AGBL1: variants seen among roughly 807,000 people sequenced by gnomAD.
AGBL1 encodes AGBL carboxypeptidase 1, also known as cytosolic carboxypeptidase 4.
A neutral mutation model predicts 118.9 loss-of-function variants in AGBL1; 130 were observed. That is an observed-to-expected ratio of 1.09 (90% confidence interval 0.95 to 1.26). The LOEUF (loss-of-function observed/expected upper bound fraction) is 1.26, where lower values mean the gene tolerates loss of function less well. AGBL1 is among the 50% of genes most tolerant of loss of function. AGBL1 has a pLI of 0.00. For missense variants in AGBL1, 1,584 were observed against 1,298.1 expected, an observed-to-expected ratio of 1.22 and a Z score of -3.38; for synonymous variants, 555 against 478.9, an observed-to-expected ratio of 1.16 and a Z score of -2.08.
chr15:86,206,501 C>T (rs1282415320), intron 5 of AGBL1, among the ~76,000 whole-genome samples: 1 of 152,206 alleles, frequency 6.6e-6, no homozygotes, highest in Non-Finnish European at 1.5e-5. Context: ...TTAATGATCA[C>T]CATTCTAACT....
chr15:86,370,301 C>CTTTTTTTTTTTTTTTTTT (rs5814238), intron 17 of AGBL1, among the ~76,000 whole-genome samples: 1 of 131,032 alleles, frequency 7.6e-6, no homozygotes, highest in Non-Finnish European at 1.6e-5. Flanking sequence ...GTCTCTATTC[C>CTTTTTTTTTTTTTTTTTT]TTTTTTTTTT....
At chr15:86,922,039 T>G (rs958034856) in intron 23 of AGBL1, among the ~76,000 whole-genome samples, 1 of 152,200 alleles carries the variant, frequency 6.6e-6, no homozygotes, top group Non-Finnish European at 1.5e-5. Context: ...TCGTAATTTT[T>G]CAGTCTTTCA....
chr15:86,576,748 G>C (rs1459300282), intron 21 of AGBL1, among the ~76,000 whole-genome samples: 1 of 152,192 alleles, frequency 6.6e-6, no homozygotes, highest in East Asian at 1.9e-4. Flanking sequence ...TGCTGTTCTT[G>C]TGATAGTGAG....
At chr15:86,926,112 C>G (rs773344219) in intron 23 of AGBL1, among the ~76,000 whole-genome samples, 1 of 152,050 alleles carries the variant, frequency 6.6e-6, no homozygotes, top group Non-Finnish European at 1.5e-5. Context: ...CTTCCATTAC[C>G]TTTTCCCTCC....
rs141645590 is a variant in AGBL1, at chr15:86,134,604, C to CT, written c.52-7373dup. ...TAAGACTGTGATGGATCAATGGTGC[C>CT]TTTTTTTTTTTTTTTTTTTTTTTTT... On this transcript the variant is annotated intron_variant, in intron 1 of 22. Transcript: ENST00000614907. Among the ~76,000 whole-genome samples, 799 of 84,624 alleles carry CT rather than the reference C, an allele frequency of 9.4e-3. 82 individuals carry two copies. The highest frequency in any genetic ancestry group is 0.015 in the Non-Finnish European group (620 of 42,046). The allele number at this position is 84,624 out of a possible 152,430, so 55.5% of individuals were successfully genotyped here.
intron 23 of AGBL1, among the ~76,000 whole-genome samples, chr15:86,944,090 G>T (rs1203919759): frequency 6.6e-6 from 1 of 152,132 alleles, no homozygotes; most frequent in Non-Finnish European, 1.5e-5. Context: ...AAGAATGAAG[G>T]GTGGGGCGCG....
At chr15:86,355,337 G>T (rs1250647860) in intron 17 of AGBL1, among the ~76,000 whole-genome samples, 5 of 152,256 alleles carry the variant, frequency 3.3e-5, no homozygotes, top group Non-Finnish European at 5.9e-5. Context: ...GTAAATAAAT[G>T]GTTCATCGGT....
At chr15:86,839,137 T>C (rs117745918) in intron 22 of AGBL1, among the ~76,000 whole-genome samples, 1,736 of 152,080 alleles carry the variant, frequency 0.011, 13 homozygotes, top group Middle Eastern at 0.024. Context: ...GAAGATTACA[T>C]TGTTGACAGT....
At chr15:86,409,660 G>T (rs2142007317) in intron 18 of AGBL1, among the ~76,000 whole-genome samples, 1 of 152,220 alleles carries the variant, frequency 6.6e-6, no homozygotes, top group East Asian at 1.9e-4. Context: ...CCCAGCTCTT[G>T]CCAACTGTGC....
At chr15:87,016,980 A>G (rs1181338334) in intron 24 of AGBL1, among the ~76,000 whole-genome samples, 1 of 152,104 alleles carries the variant, frequency 6.6e-6, no homozygotes, top group African/African-American at 2.4e-5. Flanking sequence ...CTGACAAGGT[A>G]AGAGATCTGT....
intron 1 of AGBL1, among the ~76,000 whole-genome samples, chr15:86,087,236 T>C (rs777295172): frequency 2.0e-5 from 3 of 152,200 alleles, no homozygotes; most frequent in Non-Finnish European, 4.4e-5. Context: ...TTGGTCCTTT[T>C]CATAATAGCT....
intron 22 of AGBL1, among the ~76,000 whole-genome samples, chr15:86,743,138 A>G (rs1275981886): frequency 6.6e-6 from 1 of 152,060 alleles, no homozygotes; most frequent in Admixed American, 6.6e-5. Flanking sequence ...AAGACACCCA[A>G]GTTATATTTT....
chr15:86,731,408 A>G (rs2077525826), intron 22 of AGBL1, among the ~76,000 whole-genome samples: 1 of 152,124 alleles, frequency 6.6e-6, no homozygotes, highest in South Asian at 2.1e-4. Flanking sequence ...AGAAAATGTC[A>G]CCAGGGATCT....
At chr15:87,019,192 G>T (rs1271434442) in intron 24 of AGBL1, among the ~76,000 whole-genome samples, 1 of 152,018 alleles carries the variant, frequency 6.6e-6, no homozygotes. Flanking sequence ...ACACTCCATG[G>T]ACGTTATTAG....
chr15:86,246,947 ATC>A (rs2078730417), intron 6 of AGBL1, among the ~76,000 whole-genome samples: 1 of 152,068 alleles, frequency 6.6e-6, no homozygotes, highest in Non-Finnish European at 1.5e-5. Context: ...TCTGGTGGAA[ATC>A]TCTCTCTGTG....
At chr15:86,801,731 A>G (rs2078652939) in intron 22 of AGBL1, among the ~76,000 whole-genome samples, 1 of 152,130 alleles carries the variant, frequency 6.6e-6, no homozygotes, top group African/African-American at 2.4e-5. Flanking sequence ...TTTAGATGCT[A>G]CCAGTACATT....
In AGBL1 at chr15:86,615,129, T is replaced by A. The variant is rs2084703886; in HGVS notation, c.2995-59144T>A. 6.6e-6 allele frequency among the ~76,000 whole-genome samples: 1 copy of A among 152,138 alleles called. No individual in the cohort carries two copies. Among genetic ancestry groups the A allele is most frequent in the African/African-American group, 2.4e-5 (1 of 41,412 alleles). On this transcript the variant is annotated intron_variant, in intron 21 of 22. Transcript: ENST00000614907. This position sits in a 1 kb window ranked among gnomAD's most constrained non-coding sequence, Gnocchi z 4.3. ...GACACATTAAGCAGCATGTTGAGGG[T>A]GATGGAGAGTCACTGAAGAAATCTA...
chr15:86,250,988 A>G (rs1270321492), intron 7 of AGBL1, among the ~76,000 whole-genome samples: 2 of 152,242 alleles, frequency 1.3e-5, no homozygotes, highest in African/African-American at 4.8e-5. Flanking sequence ...ATGAAGCAGC[A>G]GCAGCAGAGG....
chr15:86,341,604 A>G lies in AGBL1; in HGVS notation c.2374+46196A>G, dbSNP rs1009946255. ...CCTTTTAAAGATTCCTCATGTCTTC[A>G]TTCTTGCCAGATTGTAGAACTTATC... On this transcript the variant is annotated intron_variant, in intron 17 of 22. Transcript: ENST00000614907. Among the ~76,000 whole-genome samples the G allele has an allele frequency of 3.9e-5, 6 of 152,210 alleles. 1 individual carries two copies. The highest frequency in any genetic ancestry group is 1.2e-4 in the African/African-American group (5 of 41,462).
Sources: allele counts gnomAD v4.1 joint callset (sites outside exome capture counted in the v4.1 genomes callset), GRCh38; gene constraint gnomAD v4.1.1; non-coding constraint Gnocchi (gnomAD v3.1); transcripts MANE v1.5; gene names NCBI Gene and HGNC (gene_info 2026-07-23, HGNC 2026-07-21).